Variants in RALGAPA1 observed in about 807,000 individuals in gnomAD.
RALGAPA1 encodes Ral GTPase activating protein catalytic subunit alpha 1.
RALGAPA1 carries 52 observed loss-of-function variants against 269.6 expected under a neutral mutation model. That is an observed-to-expected ratio of 0.19 (90% CI 0.15 to 0.24). RALGAPA1 has a LOEUF of 0.24. Among genes scored for constraint, RALGAPA1 ranks in the 10% least tolerant of loss-of-function variants. The probability of loss-of-function intolerance (pLI) is 1.00; values close to 1 mark genes in which losing one functional copy is unlikely to be tolerated. For missense variants in RALGAPA1, 1,917 were observed against 3,013.9 expected (o/e 0.64, Z 8.52); for synonymous variants, 817 against 1,008.3 (o/e 0.81, Z 3.60).
chr14:35,648,738 C>A (rs140503514), intron 31 of RALGAPA1, among the ~76,000 whole-genome samples: 18 of 152,244 alleles, frequency 1.2e-4, no homozygotes, highest in Admixed American at 2.6e-4. Context: ...GTGGAGGTTG[C>A]AGTGAGTCTA....
At chr14:35,775,591 A>G (rs766786355) in intron 2 of RALGAPA1, 44 bp downstream of exon 2, 4 of 1,535,982 alleles carry the variant, frequency 2.6e-6, no homozygotes, top group Non-Finnish European at 3.5e-6. Context: ...TATGACAATT[A>G]TTAGAAATAT....
intron 37 of RALGAPA1, among the ~76,000 whole-genome samples, chr14:35,575,092 C>T (rs2057459464): frequency 6.7e-6 from 1 of 149,922 alleles, no homozygotes; most frequent in Admixed American, 6.7e-5. Context: ...CATGCCACTG[C>T]ACTCCAGCCT....
chr14:35,775,027 A>G lies in RALGAPA1; in HGVS notation c.246T>C (p.Asp82=). The change falls in exon 3 of 42, where the codon GAT becomes GAC. Residue 82 remains aspartate, a synonymous_variant. Coordinates refer to ENST00000680220, the MANE Select transcript of RALGAPA1 (RefSeq NM_001346249.2). The stretch of plus-strand genomic sequence containing the variant: ...TTACCTCAAAAATAAAAAGTATAGC[A>G]TCCAATTCCTCTCTTTGAGACTTGT... ...KGHKSQREEL[D]AILFIFEKIL... The G allele has an allele frequency of 6.4e-7, 1 of 1,574,016 alleles. No individual in the cohort carries two copies. The highest frequency in any genetic ancestry group is 8.7e-7 in the Non-Finnish European group (1 of 1,151,750).
At chr14:35,635,345 A>C in intron 32 of RALGAPA1, 119 bp downstream of exon 32, 2 of 1,177,528 alleles carry the variant, frequency 1.7e-6, no homozygotes. Flanking sequence ...TAAGCTAAAT[A>C]TGTGTTCTTA....
At chr14:35,635,071 T>G (rs2061585502) in intron 32 of RALGAPA1, among the ~76,000 whole-genome samples, 1 of 151,948 alleles carries the variant, frequency 6.6e-6, no homozygotes, top group African/African-American at 2.4e-5. Context: ...CTCAGGAGAC[T>G]GAGGCAAGAG....
chr14:35,667,764 A>G (rs182542257), intron 26 of RALGAPA1, among the ~76,000 whole-genome samples: 3 of 152,352 alleles, frequency 2.0e-5, no homozygotes, highest in Admixed American at 2.0e-4. Context: ...TCGAAAAATC[A>G]AAAATAGAAC....
intron 16 of RALGAPA1, among the ~76,000 whole-genome samples, chr14:35,701,426 G>A (rs930123696): frequency 1.3e-5 from 2 of 152,114 alleles, no homozygotes; most frequent in African/African-American, 4.8e-5. Flanking sequence ...ACTCACACAA[G>A]GCCTTTACGA....
intron 11 of RALGAPA1, 52 bp from the exon 12 acceptor site, chr14:35,738,702 T>C (rs775238793): frequency 1.1e-4 from 161 of 1,449,886 alleles, no homozygotes; most frequent in Non-Finnish European, 1.5e-4. Flanking sequence ...ATGCTGCAAC[T>C]AGTCAGTTAA....
chr14:35,805,131 CA>C (rs1026862917), intron 1 of RALGAPA1, among the ~76,000 whole-genome samples: 36 of 142,406 alleles, frequency 2.5e-4, no homozygotes, highest in Non-Finnish European at 3.2e-4. Flanking sequence ...ATTAGGAATA[CA>C]AAAAAAAAAG....
At chr14:35,776,586 A>C (rs934976787) in intron 1 of RALGAPA1, among the ~76,000 whole-genome samples, 1 of 152,332 alleles carries the variant, frequency 6.6e-6, no homozygotes, top group East Asian at 1.9e-4. Flanking sequence ...TGTTAGTACT[A>C]AAAGTGAGAT....
At chr14:35,574,706 T>C (rs1390794877) in intron 37 of RALGAPA1, among the ~76,000 whole-genome samples, 1 of 152,196 alleles carries the variant, frequency 6.6e-6, no homozygotes, top group East Asian at 1.9e-4. Flanking sequence ...TTTGAAAGAC[T>C]ACTGAAAAAA....
At chr14:35,726,638 T>C (rs1022544730) in intron 13 of RALGAPA1, among the ~76,000 whole-genome samples, 43 of 152,230 alleles carry the variant, frequency 2.8e-4, no homozygotes, top group African/African-American at 9.1e-4. Context: ...AAAAATTCAA[T>C]GTAAAATATA....
chr14:35,710,019 A>AT (rs1376015651), intron 16 of RALGAPA1, among the ~76,000 whole-genome samples: 1 of 152,184 alleles, frequency 6.6e-6, no homozygotes, highest in African/African-American at 2.4e-5. Context: ...GGATTAAGCA[A>AT]TTTACAGATG....
chr14:35,776,167 G>A (rs551405362), intron 1 of RALGAPA1, among the ~76,000 whole-genome samples: 58 of 152,276 alleles, frequency 3.8e-4, no homozygotes, highest in African/African-American at 1.3e-3. Context: ...AGATACCTGA[G>A]GTCAGGAGTT....
chr14:35,731,445 C>T (rs1199680205), intron 12 of RALGAPA1, among the ~76,000 whole-genome samples: 4 of 152,036 alleles, frequency 2.6e-5, no homozygotes, highest in African/African-American at 4.8e-5. Context: ...CAGGGACACA[C>T]CAGAGAAAGG....
intron 18 of RALGAPA1, 120 bp from the exon 19 acceptor site, chr14:35,686,786 A>G (rs907670728): frequency 4.1e-6 from 2 of 492,166 alleles, no homozygotes; most frequent in Admixed American, 3.8e-5. Flanking sequence ...ACATGCATTT[A>G]TGAATAATTT....
chr14:35,566,016 T>C (rs1290776766), intron 39 of RALGAPA1, among the ~76,000 whole-genome samples: 6 of 152,110 alleles, frequency 3.9e-5, no homozygotes, highest in Admixed American at 3.9e-4. Context: ...AAAGCTGAAA[T>C]ACCTCTCTGG....
intron 24 of RALGAPA1, 151 bp downstream of exon 24, chr14:35,674,029 C>G (rs2064732997): frequency 1.8e-6 from 1 of 566,298 alleles, no homozygotes; most frequent in Non-Finnish European, 3.1e-6. Context: ...TATGCACATT[C>G]TCTTCTCTAT....
At chr14:35,790,236 G>C (rs1325349964) in intron 1 of RALGAPA1, among the ~76,000 whole-genome samples, 1 of 150,480 alleles carries the variant, frequency 6.6e-6, no homozygotes, top group Non-Finnish European at 1.5e-5. Flanking sequence ...CTGGACGACA[G>C]AGTGAGACTC....
Sources: gnomAD v4.1 joint callset for allele counts (sites outside exome capture counted in the v4.1 genomes callset) on GRCh38, gnomAD v4.1.1 for gene constraint, MANE v1.5 for transcripts, NCBI Gene and HGNC (gene_info 2026-07-23, HGNC 2026-07-21) for gene names.